The following ANXA8 variants were observed in gnomAD, a reference collection of about 807,000 sequenced individuals.
The protein encoded by ANXA8 is annexin A8.
In ANXA8, 9 loss-of-function variants were observed where a neutral mutation model predicts 26.8. The ratio of observed to expected loss-of-function variants is 0.34; its 90% CI spans 0.20 to 0.59. The LOEUF (loss-of-function observed/expected upper bound fraction) is 0.59. Among genes scored for constraint, ANXA8 ranks in the 20% least tolerant of loss-of-function variants. ANXA8 has a pLI of 0.84. For missense variants in ANXA8, 83 were observed against 238.5 expected (o/e 0.35, Z 4.29); for synonymous variants, 39 against 94.8 (o/e 0.41, Z 3.42).
the ANXA8 span, among the ~76,000 whole-genome samples, chr10:47,693,251 C>T: frequency 2.6e-5 from 4 of 151,238 alleles, no homozygotes; most frequent in Non-Finnish European, 4.4e-5. Context: ...AGAACCTTAG[C>T]TAATGTACCT....
the ANXA8 span, among the ~76,000 whole-genome samples, chr10:47,668,699 C>T: frequency 1.3e-5 from 2 of 151,108 alleles, no homozygotes; most frequent in Admixed American, 6.6e-5. Flanking sequence ...GTGTTTCCTC[C>T]AAGTTCCTTT....
At chr10:47,666,559 T>C in the ANXA8 span, among the ~76,000 whole-genome samples, 1 of 152,038 alleles carries the variant, frequency 6.6e-6, no homozygotes, top group South Asian at 2.1e-4. Flanking sequence ...GTGCAAGTAA[T>C]GTTCCTTCTT....
the ANXA8 span, among the ~76,000 whole-genome samples, chr10:47,975,081 G>A: frequency 2.7e-5 from 4 of 149,490 alleles, no homozygotes; most frequent in Non-Finnish European, 4.5e-5. Flanking sequence ...ACTATTGAGA[G>A]TTGTTTTTTT....
the ANXA8 span, among the ~76,000 whole-genome samples, chr10:47,949,410 T>G: frequency 2.0e-5 from 3 of 149,550 alleles, no homozygotes; most frequent in Non-Finnish European, 4.4e-5. Context: ...CACTAACAAA[T>G]ATAATAAGAC....
At chr10:47,552,504 C>A in the ANXA8 span, among the ~76,000 whole-genome samples, 3 of 151,950 alleles carry the variant, frequency 2.0e-5, no homozygotes, top group Non-Finnish European at 2.9e-5. Flanking sequence ...ACTTTTAGTA[C>A]CTGTTGACTC....
the ANXA8 span, among the ~76,000 whole-genome samples, chr10:47,741,019 C>CA: frequency 6.6e-6 from 1 of 151,060 alleles, no homozygotes; most frequent in Admixed American, 6.7e-5. Flanking sequence ...TTTGAGATGT[C>CA]AGTCATTTTC....
the ANXA8 span, among the ~76,000 whole-genome samples, chr10:47,937,303 G>A: frequency 1.3e-5 from 2 of 149,286 alleles, no homozygotes; most frequent in African/African-American, 4.9e-5. Context: ...TCTGGAAGTC[G>A]CTAACTCTCT....
the ANXA8 span, among the ~76,000 whole-genome samples, chr10:47,590,792 C>T: frequency 9.3e-5 from 13 of 139,496 alleles, no homozygotes; most frequent in East Asian, 2.6e-3. Context: ...AAAGCAGTCA[C>T]TGGAATACTC....
At chr10:47,768,341 A>C in the ANXA8 span, among the ~76,000 whole-genome samples, 1 of 151,526 alleles carries the variant, frequency 6.6e-6, no homozygotes, top group Non-Finnish European at 1.5e-5. Context: ...GAGCCATAAG[A>C]GGGCAGAAAG....
At chr10:47,626,090 G>A in the ANXA8 span, among the ~76,000 whole-genome samples, 1 of 150,350 alleles carries the variant, frequency 6.7e-6, no homozygotes, top group Non-Finnish European at 1.5e-5. Context: ...ATCTGGTACT[G>A]AGGCAATGCA....
At chr10:47,686,028 T>A in the ANXA8 span, among the ~76,000 whole-genome samples, 16 of 150,592 alleles carry the variant, frequency 1.1e-4, no homozygotes, top group African/African-American at 3.4e-4. Flanking sequence ...GGGTGGGGAA[T>A]GACTCGGGGA....
At chr10:47,691,230 G>T in the ANXA8 span, 1 of 1,460,468 alleles carries the variant, frequency 6.8e-7, no homozygotes, top group Non-Finnish European at 9.5e-7. Flanking sequence ...TTACTCACGG[G>T]TGAGGTCATT....
the ANXA8 span, among the ~76,000 whole-genome samples, chr10:47,552,121 T>C: frequency 6.6e-6 from 1 of 151,714 alleles, no homozygotes; most frequent in Admixed American, 6.6e-5. Flanking sequence ...TTTCTCTCTG[T>C]TATGCTATAA....
At chr10:47,651,751 G>A in the ANXA8 span, among the ~76,000 whole-genome samples, 13 of 151,908 alleles carry the variant, frequency 8.6e-5, no homozygotes, top group South Asian at 6.2e-4. Flanking sequence ...AAAATTAGCC[G>A]AACATGGTGG....
chr10:47,667,186 G>T, the ANXA8 span, among the ~76,000 whole-genome samples: 8 of 152,074 alleles, frequency 5.3e-5, no homozygotes, highest in Middle Eastern at 3.4e-3. Context: ...ATGTCTTCCT[G>T]TTTCATGGGA....
At chr10:47,649,349 A>T in the ANXA8 span, among the ~76,000 whole-genome samples, 2 of 151,576 alleles carry the variant, frequency 1.3e-5, no homozygotes, top group Non-Finnish European at 2.9e-5. Flanking sequence ...CTTGTCCCCA[A>T]AATCTCCTCA....
At chr10:47,667,881 G>A in the ANXA8 span, among the ~76,000 whole-genome samples, 2 of 151,904 alleles carry the variant, frequency 1.3e-5, no homozygotes, top group Admixed American at 6.6e-5. Context: ...GAGATTACAG[G>A]TGTACCACCA....
chr10:47,541,327 C>CAAAACA, the ANXA8 span, among the ~76,000 whole-genome samples: 25 of 133,434 alleles, frequency 1.9e-4, 2 homozygotes, highest in East Asian at 1.4e-3. Flanking sequence ...GACCTTATCT[C>CAAAACA]AAAACAAAAA....
the ANXA8 span, among the ~76,000 whole-genome samples, chr10:47,560,626 G>A: frequency 6.6e-6 from 1 of 151,982 alleles, no homozygotes; most frequent in Admixed American, 6.6e-5. Flanking sequence ...CATGTGCGAT[G>A]TTCCTCGCAG....
Sources: gnomAD v4.1 joint callset for allele counts (sites outside exome capture counted in the v4.1 genomes callset) on GRCh38, gnomAD v4.1.1 for gene constraint, MANE v1.5 for transcripts, NCBI Gene and HGNC (gene_info 2026-07-23, HGNC 2026-07-21) for gene names.